The following OVOL2 variants were observed in gnomAD, a reference collection of about 807,000 sequenced individuals.
OVOL2 encodes the protein ovo like zinc finger 2.
Under a neutral mutation model 18.1 loss-of-function variants are expected in OVOL2, and 13 were observed. The ratio of observed to expected loss-of-function variants is 0.72; its 90% CI spans 0.47 to 1.14. The LOEUF (loss-of-function observed/expected upper bound fraction) is 1.14. Ranked by LOEUF, OVOL2 falls within the 50% of genes most tolerant of loss-of-function variation. The pLI, the probability that OVOL2 is intolerant of heterozygous loss-of-function variation, is 0.00. For synonymous variants in OVOL2, 166 were observed against 162.7 expected (o/e 1.02, Z -0.16); for missense variants, 335 against 383.0 (o/e 0.87, Z 1.05).
Position 18,057,174 on chromosome 20 carries a change from C to T in OVOL2, c.101-297G>A, listed in dbSNP as rs1262992534. On this transcript the variant is annotated intron_variant, in intron 1 of 3. Transcript: ENST00000278780. This position sits in a 1 kb window ranked among gnomAD's most constrained non-coding sequence, Gnocchi z 6.3. ...TCAGGGCGGGGGAGGCGGATCTGAC[C>T]TCTCCCCAGCTAGCCCCAGAAGGGT... Among the ~76,000 whole-genome samples the T allele has an allele frequency of 6.6e-6, 1 of 152,130 alleles. No homozygotes were observed. The highest frequency in any genetic ancestry group is 1.5e-5 in the Non-Finnish European group (1 of 68,012).
At chr20:18,050,033 T>C (rs762197569) in intron 2 of OVOL2, among the ~76,000 whole-genome samples, 8 of 152,134 alleles carry the variant, frequency 5.3e-5, no homozygotes, top group Non-Finnish European at 8.8e-5. Context: ...CAACAAAAAC[T>C]TGCTGGGCTT....
chr20:18,036,703 C>T (rs965058621), intron 3 of OVOL2, among the ~76,000 whole-genome samples: 3 of 152,080 alleles, frequency 2.0e-5, no homozygotes, highest in Non-Finnish European at 4.4e-5. Context: ...GGGCAGAGGA[C>T]ATCTTGGCAC....
At chr20:18,027,504 C>T (rs1385419766) in intron 3 of OVOL2, among the ~76,000 whole-genome samples, 5 of 142,892 alleles carry the variant, frequency 3.5e-5, no homozygotes, top group East Asian at 2.1e-4. Flanking sequence ...CTCTAGCCTG[C>T]GCAACAGAGC....
intron 2 of OVOL2, among the ~76,000 whole-genome samples, chr20:18,046,049 T>C (rs1600447774): frequency 6.6e-6 from 1 of 152,002 alleles, no homozygotes; most frequent in African/African-American, 2.4e-5. Flanking sequence ...TTATGACCAA[T>C]CCAGCCATCA....
chr20:18,052,781 T>C (rs1386306739), intron 2 of OVOL2, among the ~76,000 whole-genome samples: 1 of 152,216 alleles, frequency 6.6e-6, no homozygotes, highest in Non-Finnish European at 1.5e-5. Flanking sequence ...ACAAATTCAC[T>C]TGGTACTCCA....
At position 18,041,730 on chromosome 20, in the gene OVOL2, G is replaced by A. The variant is rs778999672; in HGVS notation, c.322-7C>T. The A allele has an allele frequency of 2.5e-6, 4 of 1,607,134 alleles. No individual in the cohort carries two copies. Among genetic ancestry groups the A allele is most frequent in the South Asian group, 2.2e-5 (2 of 90,904 alleles). ...TGCACGTGCCTGTGGTGAACTGGGG[G>A]CAGAGAGAGGCCATGAGGGTCCCCG... On this transcript the variant is annotated splice_polypyrimidine_tract_variant and splice_region_variant and intron_variant, in intron 2 of 3. Coordinates refer to ENST00000278780, the MANE Select transcript of OVOL2 (RefSeq NM_021220.4).
At chr20:18,047,704 A>G (rs2036735310) in intron 2 of OVOL2, among the ~76,000 whole-genome samples, 1 of 149,712 alleles carries the variant, frequency 6.7e-6, no homozygotes, top group Non-Finnish European at 1.5e-5. Context: ...AAATACAAAA[A>G]TTAGCCAGGC....
chr20:18,057,750 C>A lies in OVOL2; in HGVS notation c.-116G>T, dbSNP rs770918095. The A allele has an allele frequency of 2.9e-5, 42 of 1,428,268 alleles. No homozygotes were observed. The highest frequency in any genetic ancestry group is 3.7e-5 in the Non-Finnish European group (41 of 1,097,932). 88.5% of individuals were successfully genotyped at this position (1,428,268 alleles called of 1,614,324 possible). ...GCCAGAGCCCACCTTCCCGCCTCGC[C>A]TGCCCTCTTCCTCCACCCCCCGCCG... On this transcript the variant is annotated 5_prime_UTR_variant, in exon 1 of 4. The change creates a new upstream start codon in the 5' untranslated region. Coordinates refer to ENST00000278780, the MANE Select transcript of OVOL2 (RefSeq NM_021220.4). The surrounding 1 kb of genome is among the most constrained non-coding windows in gnomAD (Gnocchi z 6.3).
chr20:18,028,171 T>A (rs1197861354), intron 3 of OVOL2, among the ~76,000 whole-genome samples: 1 of 151,906 alleles, frequency 6.6e-6, no homozygotes, highest in Non-Finnish European at 1.5e-5. Context: ...TTATTTTTAA[T>A]ATTTTATTTT....
chr20:18,044,514 C>T (rs1123497), intron 2 of OVOL2, among the ~76,000 whole-genome samples: 22,903 of 152,104 alleles, frequency 0.15, 1,785 homozygotes, highest in Middle Eastern at 0.18. Context: ...TCCAGTCAGC[C>T]TCCTCCACTA....
In OVOL2 at chr20:18,024,596, T is replaced by C; in HGVS notation, c.*40A>G. 1 of 1,515,722 alleles carries C rather than the reference T, an allele frequency of 6.6e-7. No homozygotes were observed. Among genetic ancestry groups the C allele is most frequent in the South Asian group, 1.3e-5 (1 of 77,328 alleles). 93.9% of individuals were successfully genotyped at this position (1,515,722 alleles called of 1,614,324 possible). A position where few individuals can be genotyped will look rare whatever the true frequency, so the allele number is the denominator to read the frequency against. On this transcript the variant is annotated 3_prime_UTR_variant, in exon 4 of 4. Coordinates refer to ENST00000278780, the MANE Select transcript of OVOL2 (RefSeq NM_021220.4). ...TGAAAACCAAAAATCCACGTAGACA[T>C]ACGTGGCAGTGTGAACGTCTGTCCT... is the stretch of plus-strand genomic sequence containing the variant.
Position 18,024,422 on chromosome 20 carries a change from A to G in OVOL2, c.*214T>C. The G allele has an allele frequency of 9.9e-7, 1 of 1,014,124 alleles. No homozygotes were observed. 62.8% of individuals were successfully genotyped at this position (1,014,124 alleles called of 1,614,324 possible). On this transcript the variant is annotated 3_prime_UTR_variant, in exon 4 of 4. Transcript: ENST00000278780. ...AAACAAACTTTGGTGAATGTGAGCA[A>G]CTGCGCCAGACAGGACACAGGTTAC... is the stretch of plus-strand genomic sequence containing the variant.
intron 3 of OVOL2, 107 bp downstream of exon 3, chr20:18,041,427 A>T: frequency 7.5e-7 from 1 of 1,332,490 alleles, no homozygotes; most frequent in Non-Finnish European, 1.0e-6. Flanking sequence ...TCTTTCTAGA[A>T]ACACAACATT....
At chr20:18,054,435 G>T (rs1296170902) in intron 2 of OVOL2, among the ~76,000 whole-genome samples, 1 of 152,158 alleles carries the variant, frequency 6.6e-6, no homozygotes, top group African/African-American at 2.4e-5. Flanking sequence ...GGTCCTGGGA[G>T]CCCACTGCCT....
chr20:18,039,846 C>A (rs1297963483), intron 3 of OVOL2, among the ~76,000 whole-genome samples: 2 of 152,088 alleles, frequency 1.3e-5, no homozygotes, highest in Non-Finnish European at 2.9e-5. Context: ...GGAGCCCCAT[C>A]TGGAGGGAGG....
intron 2 of OVOL2, among the ~76,000 whole-genome samples, chr20:18,047,465 G>A (rs991386555): frequency 2.0e-5 from 3 of 149,130 alleles, no homozygotes; most frequent in Non-Finnish European, 1.5e-5. Flanking sequence ...AGCCGAAATT[G>A]TGCCGTTGCA....
At chr20:18,046,396 C>T (rs1405043553) in intron 2 of OVOL2, among the ~76,000 whole-genome samples, 1 of 152,120 alleles carries the variant, frequency 6.6e-6, no homozygotes, top group Non-Finnish European at 1.5e-5. Flanking sequence ...TGTCACCTGC[C>T]AGCCATGTGA....
rs2036624149 is a variant in OVOL2, at chr20:18,037,195, CA to C, written c.511+4338del. Among the ~76,000 whole-genome samples, 3 of 151,592 alleles carry C rather than the reference CA, an allele frequency of 2.0e-5. No homozygotes were observed. In the South Asian group the frequency reaches 6.2e-4, roughly 31 times the overall value. ...GGGCAGGCTGGTGAGGCCCCTGCCT[CA>C]GGGGGAATGCTGAGGAAGGCACTGG... On this transcript the variant is annotated intron_variant, in intron 3 of 3. Coordinates refer to ENST00000278780, the MANE Select transcript of OVOL2 (RefSeq NM_021220.4).
upstream of OVOL2, chr20:18,058,910 T>A (rs1013513899): frequency 6.6e-6 from 1 of 152,172 alleles, no homozygotes; most frequent in African/African-American, 2.4e-5. Flanking sequence ...GCGCTGCCCT[T>A]CCCAAGGCCT....
Sources: gnomAD v4.1 joint callset for allele counts (sites outside exome capture counted in the v4.1 genomes callset) on GRCh38, gnomAD v4.1.1 for gene constraint, Gnocchi (gnomAD v3.1) non-coding constraint, MANE v1.5 for transcripts, NCBI Gene and HGNC (gene_info 2026-07-23, HGNC 2026-07-21) for gene names.